The following MAP4K4 variants were observed in gnomAD, a reference collection of about 807,000 sequenced individuals.
The protein encoded by MAP4K4 is mitogen-activated protein kinase kinase kinase kinase 4, also known as HPK/GCK-like kinase HGK.
Under a neutral mutation model 189.6 loss-of-function variants are expected in MAP4K4, and 38 were observed. That is an observed-to-expected ratio of 0.20 (90% CI 0.15 to 0.26). MAP4K4 has a LOEUF of 0.26. MAP4K4 is among the 10% of genes least tolerant of loss of function. The probability of loss-of-function intolerance (pLI) is 1.00; values close to 1 mark genes in which losing one functional copy is unlikely to be tolerated. For synonymous variants in MAP4K4, 610 were observed against 624.3 expected, an observed-to-expected ratio of 0.98 and a Z score of 0.34; for missense variants, 1,054 against 1,726.9, an observed-to-expected ratio of 0.61 and a Z score of 6.91.
At chr2:101,846,101 T>C (rs1297082035) in intron 12 of MAP4K4, among the ~76,000 whole-genome samples, 3 of 152,200 alleles carry the variant, frequency 2.0e-5, no homozygotes, top group African/African-American at 7.2e-5. Flanking sequence ...GCTAGGACTT[T>C]TAGAAGAAAA....
intron 6 of MAP4K4, among the ~76,000 whole-genome samples, chr2:101,830,743 G>A (rs1260486584): frequency 6.6e-6 from 1 of 152,160 alleles, no homozygotes; most frequent in African/African-American, 2.4e-5. Context: ...GTACCAGCCT[G>A]TGATAGTCCC....
chr2:101,867,786 T>G, intron 20 of MAP4K4: 3 of 479,646 alleles, frequency 6.3e-6, no homozygotes, highest in Non-Finnish European at 3.7e-6. Flanking sequence ...ACCTTCTGCT[T>G]TTTGGTACCT....
chr2:101,850,369 A>G (rs1559182329), intron 12 of MAP4K4, among the ~76,000 whole-genome samples: 1 of 152,246 alleles, frequency 6.6e-6, no homozygotes, highest in Non-Finnish European at 1.5e-5. Flanking sequence ...GTTTCTCAGT[A>G]AAAAATTAAT....
At chr2:101,871,203 GA>G (rs1057083060) in intron 23 of MAP4K4, among the ~76,000 whole-genome samples, 13 of 145,076 alleles carry the variant, frequency 9.0e-5, no homozygotes, top group South Asian at 2.2e-4. Flanking sequence ...GATTTAAAAA[GA>G]AAAAAAAAAG....
chr2:101,844,337 G>T, intron 12 of MAP4K4, 26 bp downstream of exon 12: 1 of 1,547,450 alleles, frequency 6.5e-7, no homozygotes, highest in South Asian at 1.2e-5. Flanking sequence ...TGTCCAAGTT[G>T]GTTGGTCTTT....
At chr2:101,870,695 G>C (rs1023149862) in intron 23 of MAP4K4, 5 of 322,040 alleles carry the variant, frequency 1.6e-5, no homozygotes, top group Non-Finnish European at 2.9e-5. Flanking sequence ...GTCTGAGCGG[G>C]AGAGAAGCCA....
intron 10 of MAP4K4, among the ~76,000 whole-genome samples, chr2:101,840,735 A>G (rs1006561426): frequency 8.5e-5 from 13 of 152,256 alleles, no homozygotes; most frequent in Middle Eastern, 6.8e-3. Context: ...GTGGCATCCT[A>G]TTACTTTTTG....
chr2:101,739,028 C>G (rs1167672582), intron 2 of MAP4K4, among the ~76,000 whole-genome samples: 1 of 152,010 alleles, frequency 6.6e-6, no homozygotes, highest in Non-Finnish European at 1.5e-5. Context: ...GTAAGGCATT[C>G]GTTTTATTCT....
intron 32 of MAP4K4, among the ~76,000 whole-genome samples, chr2:101,890,249 C>T (rs1253485486): frequency 6.6e-6 from 1 of 152,010 alleles, no homozygotes; most frequent in East Asian, 1.9e-4. Context: ...TTTTTAAAGA[C>T]ATTTATTTAT....
intron 2 of MAP4K4, among the ~76,000 whole-genome samples, chr2:101,772,388 A>C (rs1278778784): frequency 2.0e-5 from 3 of 152,242 alleles, no homozygotes; most frequent in Non-Finnish European, 4.4e-5. Flanking sequence ...GAATGTTGCA[A>C]ACAATTCTTT....
intron 2 of MAP4K4, among the ~76,000 whole-genome samples, chr2:101,769,041 G>C (rs1646515562): frequency 6.6e-6 from 1 of 152,212 alleles, no homozygotes; most frequent in Non-Finnish European, 1.5e-5. Flanking sequence ...GTGACTTTTA[G>C]ATGAGAAAGA....
chr2:101,885,203 C>A (rs1401281867), exon 29 of MAP4K4: 2 of 1,599,002 alleles, frequency 1.3e-6, no homozygotes, highest in Admixed American at 1.7e-5. Flanking sequence ...ATGAAAGAAT[C>A]AAATTTCTGG....
intron 3 of MAP4K4, among the ~76,000 whole-genome samples, chr2:101,806,868 G>C (rs2094988908): frequency 6.6e-6 from 1 of 152,150 alleles, no homozygotes; most frequent in Admixed American, 6.5e-5. Flanking sequence ...TGTTCAAAAG[G>C]GAAAGGAGGA....
At chr2:101,858,848 C>A in intron 13 of MAP4K4, 148 bp from the exon 14 acceptor site, 1 of 583,168 alleles carries the variant, frequency 1.7e-6, no homozygotes, top group Non-Finnish European at 3.1e-6. Context: ...TTGGAGAAAT[C>A]TTTAGCAATA....
intron 21 of MAP4K4, among the ~76,000 whole-genome samples, chr2:101,868,289 C>G (rs1205684581): frequency 2.6e-5 from 4 of 152,190 alleles, no homozygotes; most frequent in Non-Finnish European, 5.9e-5. Flanking sequence ...AATAGCAAGA[C>G]TCAGAGCCCA....
chr2:101,887,024 CAAAAAAA>C (rs569902749), intron 29 of MAP4K4, 57 bp from the exon 30 acceptor site: 77 of 847,470 alleles, frequency 9.1e-5, no homozygotes, highest in Non-Finnish European at 1.0e-4. Context: ...GACTCCGTCT[CAAAAAAA>C]AAAAAAAAAA....
At chr2:101,764,237 T>C (rs1427276934) in intron 2 of MAP4K4, among the ~76,000 whole-genome samples, 1 of 152,184 alleles carries the variant, frequency 6.6e-6, no homozygotes, top group Non-Finnish European at 1.5e-5. Context: ...ATATGTAGCA[T>C]TGCACTGTAA....
chr2:101,882,405 G>A (rs2098414318), intron 27 of MAP4K4, 146 bp from the exon 28 acceptor site: 1 of 504,806 alleles, frequency 2.0e-6, no homozygotes, highest in Non-Finnish European at 3.3e-6. Context: ...AGCTGTTTCT[G>A]TGGTACACAT....
At chr2:101,704,108 C>A (rs1489894953) in intron 2 of MAP4K4, among the ~76,000 whole-genome samples, 1 of 152,156 alleles carries the variant, frequency 6.6e-6, no homozygotes, top group Non-Finnish European at 1.5e-5. Context: ...AGTGTAGCAT[C>A]TCTCGTTCTT....
Sources: allele counts gnomAD v4.1 joint callset (sites outside exome capture counted in the v4.1 genomes callset), GRCh38; gene constraint gnomAD v4.1.1; transcripts MANE v1.5; gene names NCBI Gene and HGNC (gene_info 2026-07-23, HGNC 2026-07-21).